The following FHIT variants were observed in gnomAD, a reference collection of about 807,000 sequenced individuals.
FHIT encodes the protein bis(5'-adenosyl)-triphosphatase.
FHIT carries 19 observed loss-of-function variants against 17.9 expected under a neutral mutation model. The observed-to-expected ratio is 1.06, with a 90% CI of 0.74 to 1.56. The LOEUF (loss-of-function observed/expected upper bound fraction) is 1.56. Ranked by LOEUF, FHIT falls within the 40% of genes most tolerant of loss-of-function variation. FHIT has a pLI of 0.00. For synonymous variants in FHIT, 81 were observed against 69.7 expected (o/e 1.16, Z -0.81); for missense variants, 248 against 189.2 (o/e 1.31, Z -1.82).
intron 8 of FHIT, among the ~76,000 whole-genome samples, chr3:59,829,486 C>G (rs941710511): frequency 6.6e-6 from 1 of 152,182 alleles, no homozygotes; most frequent in Admixed American, 6.5e-5. Flanking sequence ...GAATCTATGC[C>G]TCCTTTTTCT....
At chr3:60,559,504 A>G (rs1298739848) in intron 4 of FHIT, among the ~76,000 whole-genome samples, 1 of 152,140 alleles carries the variant, frequency 6.6e-6, no homozygotes, top group Admixed American at 6.5e-5. Flanking sequence ...TTTCTCATTT[A>G]ATAAGGTTTT....
intron 5 of FHIT, among the ~76,000 whole-genome samples, chr3:60,096,623 T>G (rs1244035016): frequency 6.6e-6 from 1 of 152,162 alleles, no homozygotes; most frequent in Non-Finnish European, 1.5e-5. Flanking sequence ...CATCTGTTCA[T>G]CAGTTTGTTT....
intron 4 of FHIT, among the ~76,000 whole-genome samples, chr3:60,704,014 A>G (rs1176695756): frequency 1.3e-5 from 2 of 152,128 alleles, no homozygotes; most frequent in East Asian, 3.8e-4. Flanking sequence ...ATCTAGCCGT[A>G]CCAGTATTGA....
intron 2 of FHIT, among the ~76,000 whole-genome samples, chr3:61,063,051 A>C (rs1204809496): frequency 6.6e-6 from 1 of 151,978 alleles, no homozygotes; most frequent in Non-Finnish European, 1.5e-5. Context: ...CGAGGTCAGG[A>C]GATCGAGACC....
intron 3 of FHIT, among the ~76,000 whole-genome samples, chr3:60,941,076 A>G (rs1708389828): frequency 6.6e-6 from 1 of 152,232 alleles, no homozygotes; most frequent in Non-Finnish European, 1.5e-5. Flanking sequence ...ATATGTAATC[A>G]GTATACAAAT....
At position 60,933,015 on chromosome 3, in the gene FHIT, A is replaced by AT. The variant is rs1278091437; in HGVS notation, c.-111+109031dup. The stretch of plus-strand genomic sequence containing the variant: ...TAAGTATGCTCGTGGAGAATTTGTA[A>AT]TTTTTTAAAAAATGGTAGTTATCTA... On this transcript the variant is annotated intron_variant, in intron 3 of 9. Coordinates refer to ENST00000492590, the MANE Select transcript of FHIT (RefSeq NM_002012.4). Among the ~76,000 whole-genome samples, 4 of 152,346 alleles carry AT rather than the reference A, an allele frequency of 2.6e-5. No homozygotes were observed. The East Asian group carries it at 7.7e-4, about 29-fold the overall frequency.
chr3:61,029,542 A>G (rs1343007141), intron 3 of FHIT, among the ~76,000 whole-genome samples: 1 of 152,220 alleles, frequency 6.6e-6, no homozygotes, highest in African/African-American at 2.4e-5. Flanking sequence ...ACACATCTTC[A>G]GTGACCTGAA....
At chr3:60,389,981 C>T (rs973056015) in intron 5 of FHIT, among the ~76,000 whole-genome samples, 1 of 152,144 alleles carries the variant, frequency 6.6e-6, no homozygotes, top group African/African-American at 2.4e-5. Context: ...TTCATCTGCT[C>T]CTCTGAAAAC....
chr3:59,875,261 G>A (rs949433197), intron 8 of FHIT, among the ~76,000 whole-genome samples: 8 of 152,142 alleles, frequency 5.3e-5, no homozygotes, highest in South Asian at 2.1e-4. Flanking sequence ...CAATCTACAC[G>A]CTGGTTGACC....
At chr3:60,612,221 G>C (rs1482949640) in intron 4 of FHIT, among the ~76,000 whole-genome samples, 5 of 152,102 alleles carry the variant, frequency 3.3e-5, no homozygotes, top group African/African-American at 1.2e-4. Flanking sequence ...AGCTAACTGT[G>C]AAACTCTCAA....
chr3:60,889,353 G>A (rs1705384625), intron 3 of FHIT, among the ~76,000 whole-genome samples: 1 of 152,110 alleles, frequency 6.6e-6, no homozygotes, highest in Non-Finnish European at 1.5e-5. Context: ...CATCTGTAAG[G>A]GCGTACCCTT....
chr3:60,545,070 T>C (rs75616449), intron 4 of FHIT, among the ~76,000 whole-genome samples: 3,881 of 138,520 alleles, frequency 0.028, 212 homozygotes, highest in East Asian at 0.18. Context: ...TGACAATCAT[T>C]ACAATTTATT....
At chr3:61,097,309 C>T (rs7617867) in intron 2 of FHIT, among the ~76,000 whole-genome samples, 2,386 of 152,180 alleles carry the variant, frequency 0.016, 63 homozygotes, top group African/African-American at 0.055. Context: ...ACCCGGGAAG[C>T]GCAAACATGT....
intron 4 of FHIT, among the ~76,000 whole-genome samples, chr3:60,570,860 A>G (rs1326259734): frequency 2.0e-5 from 3 of 152,226 alleles, no homozygotes; most frequent in East Asian, 1.9e-4. Context: ...AAAATGAAAA[A>G]AAAATAGTGC....
intron 5 of FHIT, among the ~76,000 whole-genome samples, chr3:60,530,058 C>G (rs1265372225): frequency 1.3e-5 from 2 of 152,146 alleles, no homozygotes; most frequent in African/African-American, 4.8e-5. Flanking sequence ...AATGCATAAT[C>G]AGGTCAGGCC....
intron 5 of FHIT, among the ~76,000 whole-genome samples, chr3:60,228,637 C>T (rs1187695890): frequency 2.0e-5 from 3 of 152,132 alleles, no homozygotes; most frequent in Non-Finnish European, 2.9e-5. Flanking sequence ...AAATACCTCA[C>T]AAGGAAATTA....
At position 59,788,478 on chromosome 3, in the gene FHIT, C is replaced by G. The variant is rs1008730844; in HGVS notation, c.349-36157G>C. On this transcript the variant is annotated intron_variant, in intron 8 of 9. Transcript: ENST00000492590. The stretch of plus-strand genomic sequence containing the variant: ...CCTTGCACCAGTGCACATGCTGTTC[C>G]TCTGCCTGGAACACATTTTCTTCCC... 3.9e-5 allele frequency among the ~76,000 whole-genome samples: 6 copies of G among 152,198 alleles called. No individual in the cohort carries two copies. In the East Asian group the frequency reaches 1.2e-3, roughly 29 times the overall value.
chr3:59,833,793 T>C (rs1575565351), intron 8 of FHIT, among the ~76,000 whole-genome samples: 1 of 151,944 alleles, frequency 6.6e-6, no homozygotes, highest in Non-Finnish European at 1.5e-5. Context: ...TGGTGGGAGG[T>C]GATTGGATCA....
chr3:60,345,482 G>T (rs745827579), intron 5 of FHIT, among the ~76,000 whole-genome samples: 8 of 152,158 alleles, frequency 5.3e-5, no homozygotes, highest in Non-Finnish European at 1.0e-4. Flanking sequence ...GACCTATGTG[G>T]ATACTCTCCT....
Sources: allele counts gnomAD v4.1 joint callset (sites outside exome capture counted in the v4.1 genomes callset), GRCh38; gene constraint gnomAD v4.1.1; transcripts MANE v1.5; gene names NCBI Gene and HGNC (gene_info 2026-07-23, HGNC 2026-07-21).